The following NUTF2 variants were observed in gnomAD, a reference collection of about 807,000 sequenced individuals.
NUTF2 encodes nuclear transport factor 2.
In NUTF2, 3 loss-of-function variants were observed where a neutral mutation model predicts 18.5. The observed-to-expected ratio is 0.16, with a 90% CI of 0.07 to 0.42. NUTF2 has a LOEUF of 0.42. Ranked by LOEUF, NUTF2 falls within the 10% of genes least tolerant of loss-of-function variation. NUTF2 has a pLI of 0.99. For missense variants in NUTF2, 44 were observed against 160.7 expected, an observed-to-expected ratio of 0.27 and a Z score of 3.93; for synonymous variants, 51 against 57.9, an observed-to-expected ratio of 0.88 and a Z score of 0.54.
At chr16:67,859,628 G>A (rs898847788) in intron 1 of NUTF2, among the ~76,000 whole-genome samples, 9 of 151,660 alleles carry the variant, frequency 5.9e-5, no homozygotes, top group Admixed American at 5.9e-4. Context: ...AAAGTCCTGG[G>A]ATTAGAGGCG....
intron 1 of NUTF2, among the ~76,000 whole-genome samples, chr16:67,851,897 TC>T (rs959915813): frequency 1.3e-5 from 2 of 151,912 alleles, no homozygotes; most frequent in Non-Finnish European, 2.9e-5. Flanking sequence ...ATGCCTGTAA[TC>T]CCAGCTACTC....
At chr16:67,864,382 G>T (rs765033149) in intron 1 of NUTF2, among the ~76,000 whole-genome samples, 1 of 151,960 alleles carries the variant, frequency 6.6e-6, no homozygotes, top group Non-Finnish European at 1.5e-5. Context: ...GTTGGCAGGC[G>T]CCTGTAATCC....
intron 3 of NUTF2, 43 bp downstream of exon 3, chr16:67,868,454 A>C (rs1598170099): frequency 6.2e-7 from 1 of 1,613,328 alleles, no homozygotes; most frequent in Non-Finnish European, 8.5e-7. Flanking sequence ...CTCCTTTCCC[A>C]CCCCTTCTGG....
At chr16:67,855,980 G>T in intron 1 of NUTF2, 1 of 1,225,624 alleles carries the variant, frequency 8.2e-7, no homozygotes, top group Non-Finnish European at 1.2e-6. Flanking sequence ...CTGCTTCTTG[G>T]TGCCAGCGGC....
chr16:67,860,983 CTTTG>C (rs2151298214), intron 1 of NUTF2, among the ~76,000 whole-genome samples: 2 of 152,336 alleles, frequency 1.3e-5, no homozygotes, highest in East Asian at 1.9e-4. Flanking sequence ...TGCCTGAGGC[CTTTG>C]TTTGGAGGTG....
chr16:67,858,466 C>A (rs867843758), intron 1 of NUTF2, among the ~76,000 whole-genome samples: 3 of 152,258 alleles, frequency 2.0e-5, no homozygotes, highest in Middle Eastern at 6.8e-3. Context: ...TGTACCTGGC[C>A]ACTAGACAGC....
intron 1 of NUTF2, among the ~76,000 whole-genome samples, chr16:67,849,342 A>C (rs1465729073): frequency 1.3e-5 from 2 of 151,776 alleles, no homozygotes; most frequent in African/African-American, 4.8e-5. Context: ...TGACCAGGAG[A>C]GTTTTTGTTT....
chr16:67,868,490 C>G lies in NUTF2; in HGVS notation c.172-11C>G, dbSNP rs1202950697. On this transcript the variant is annotated splice_polypyrimidine_tract_variant and intron_variant, in intron 3 of 4. Coordinates refer to ENST00000219169, the MANE Select transcript of NUTF2 (RefSeq NM_005796.3). ...CCTTGGTTCTCCCACCTCCCACTCT[C>G]TCTCTTGTAGAGCCTTCCGTTCCAG... 5 of 1,614,054 alleles carry G rather than the reference C, an allele frequency of 3.1e-6. No individual in the cohort carries two copies. The highest frequency in any genetic ancestry group is 3.4e-6 in the Non-Finnish European group (4 of 1,180,014).
intron 1 of NUTF2, among the ~76,000 whole-genome samples, chr16:67,857,106 A>C (rs1347224033): frequency 6.6e-6 from 1 of 152,146 alleles, no homozygotes; most frequent in African/African-American, 2.4e-5. Context: ...GTGGTCACTT[A>C]GGGGTCTCAA....
intron 4 of NUTF2, among the ~76,000 whole-genome samples, chr16:67,869,242 C>G (rs994402084): frequency 6.6e-6 from 1 of 151,892 alleles, no homozygotes; most frequent in Non-Finnish European, 1.5e-5. Context: ...CGCCACCACA[C>G]CCAGATAATT....
intron 4 of NUTF2, 117 bp downstream of exon 4, chr16:67,868,716 C>G: frequency 1.1e-6 from 1 of 951,878 alleles, no homozygotes; most frequent in Non-Finnish European, 1.6e-6. Flanking sequence ...AAGTGACTGT[C>G]TAGAGCTGCG....
chr16:67,863,754 CCT>C (rs1288722651), intron 1 of NUTF2, among the ~76,000 whole-genome samples: 2 of 152,196 alleles, frequency 1.3e-5, no homozygotes, highest in Non-Finnish European at 2.9e-5. Flanking sequence ...GGAGTGGGCT[CCT>C]CTACAGTTGG....
chr16:67,865,519 A>G (rs1468785777), intron 2 of NUTF2, among the ~76,000 whole-genome samples: 5 of 152,296 alleles, frequency 3.3e-5, no homozygotes, highest in Non-Finnish European at 7.4e-5. Context: ...AGCAACAGGC[A>G]GAGGTTAGGG....
chr16:67,869,084 CTTTT>C (rs71721636), intron 4 of NUTF2, among the ~76,000 whole-genome samples: 2 of 135,834 alleles, frequency 1.5e-5, no homozygotes, highest in Non-Finnish European at 1.6e-5. Context: ...ACTCCTATTT[CTTTT>C]TTTTTTTTTT....
rs34914554 is a variant in NUTF2 at position 67,859,795 on chromosome 16, C to CTTT, written c.-29-5282_-29-5280dup. On this transcript the variant is annotated intron_variant, in intron 1 of 4. Coordinates refer to ENST00000219169, the MANE Select transcript of NUTF2 (RefSeq NM_005796.3). ...ACAGGCGTGAGCCACTGCGCCAGGC[C>CTTT]TTTTTTTTTTTTTTTTTTTTTTTTT... is the stretch of plus-strand genomic sequence containing the variant. 1.5e-4 allele frequency among the ~76,000 whole-genome samples: 7 copies of CTTT among 45,606 alleles called. 1 individual carries two copies. The highest frequency in any genetic ancestry group is 4.2e-4 in the African/African-American group (4 of 9,596). 29.9% of individuals were successfully genotyped at this position (45,606 alleles called of 152,430 possible). A position where few individuals can be genotyped will look rare whatever the true frequency, so the allele number is the denominator to read the frequency against.
chr16:67,861,632 G>T (rs1166316351), intron 1 of NUTF2, among the ~76,000 whole-genome samples: 1 of 152,198 alleles, frequency 6.6e-6, no homozygotes, highest in African/African-American at 2.4e-5. Flanking sequence ...CAAGGAGCCT[G>T]GCCTCAGCCT....
At chr16:67,865,782 G>C (rs1279281302) in intron 2 of NUTF2, among the ~76,000 whole-genome samples, 2 of 148,080 alleles carry the variant, frequency 1.4e-5, no homozygotes, top group East Asian at 3.9e-4. Flanking sequence ...GCAATGGCTC[G>C]ATCTCAGCTC....
intron 1 of NUTF2, among the ~76,000 whole-genome samples, chr16:67,854,641 A>G (rs2057882526): frequency 6.6e-6 from 1 of 152,210 alleles, no homozygotes; most frequent in African/African-American, 2.4e-5. Flanking sequence ...CAGAATAGAC[A>G]TTGAAAGTTG....
Position 67,868,483 on chromosome 16 carries a change from C to T in NUTF2, c.172-18C>T. 6.2e-7 allele frequency: 1 copy of T among 1,613,962 alleles called. No homozygotes were observed. Among genetic ancestry groups the T allele is most frequent in the South Asian group, 1.1e-5 (1 of 91,074 alleles). ...CTTCTGGCCTTGGTTCTCCCACCTC[C>T]CACTCTCTCTCTTGTAGAGCCTTCC... On this transcript the variant is annotated intron_variant, in intron 3 of 4. Coordinates refer to ENST00000219169, the MANE Select transcript of NUTF2 (RefSeq NM_005796.3).
Sources: gnomAD v4.1 joint callset for allele counts (sites outside exome capture counted in the v4.1 genomes callset) on GRCh38, gnomAD v4.1.1 for gene constraint, MANE v1.5 for transcripts, NCBI Gene and HGNC (gene_info 2026-07-23, HGNC 2026-07-21) for gene names.